Variants in MRC2 observed in about 807,000 individuals in gnomAD.
The protein encoded by MRC2 is C-type mannose receptor 2.
Under a neutral mutation model 206.2 loss-of-function variants are expected in MRC2, and 84 were observed. The observed-to-expected ratio is 0.41, with a 90% confidence interval of 0.34 to 0.49. The LOEUF (loss-of-function observed/expected upper bound fraction) is 0.49, where lower values mean the gene tolerates loss of function less well. MRC2 is among the 20% of genes least tolerant of loss of function. The pLI, the probability that MRC2 is intolerant of heterozygous loss-of-function variation, is 0.31. For synonymous variants in MRC2, 798 were observed against 800.0 expected (o/e 1.00, Z 0.04); for missense variants, 1,676 against 2,001.5 (o/e 0.84, Z 3.10).
In MRC2 at chr17:62,690,991, C is replaced by A. The variant is rs776644424; in HGVS notation, c.4055C>A (p.Ser1352Tyr). 5 of 1,609,178 alleles carry A rather than the reference C, an allele frequency of 3.1e-6. No individual in the cohort carries two copies. The highest frequency in any genetic ancestry group is 3.4e-5 in the Admixed American group (2 of 59,156). The change falls in exon 28 of 30, where the codon TCC (serine) becomes TAC (tyrosine). Residue 1352 changes from serine to tyrosine, a missense_variant. Ser to Tyr is a moderately radical substitution (Grantham distance 144). This residue lies in a region of MRC2 where 1,354 missense variants were observed against 1,636.6 expected (regional missense o/e 0.83). Coordinates refer to ENST00000303375, the MANE Select transcript of MRC2 (RefSeq NM_006039.5). ...CAGGACAACACAGCTGTGAACTACT[C>A]CAACTGGGGGCCCCCGGGCTTGGGC... is the stretch of plus-strand genomic sequence containing the variant. ...VWQDNTAVNY[S>Y]NWGPPGLGPS...
Position 62,667,277 on chromosome 17 carries a change from C to A in MRC2, c.974-113C>A, listed in dbSNP as rs2088769652. Reference sequence around the variant, plus strand: ...GGAGCTGAGCACCAGGCTTCCCGAACTGGCTCAGGCTTCCGAGGGAGCAGA... The same window carrying A: ...GGAGCTGAGCACCAGGCTTCCCGAAATGGCTCAGGCTTCCGAGGGAGCAGA... On this transcript the variant is annotated intron_variant, in intron 5 of 29. Coordinates refer to ENST00000303375, the MANE Select transcript of MRC2 (RefSeq NM_006039.5). This position sits in a 1 kb window ranked among gnomAD's most constrained non-coding sequence, Gnocchi z 4.1. 2.9e-6 allele frequency: 4 copies of A among 1,383,018 alleles called. No homozygotes were observed. Among genetic ancestry groups the A allele is most frequent in the Middle Eastern group, 3.8e-4 (2 of 5,294 alleles). The allele number at this position is 1,383,018 out of a possible 1,614,324, so 85.7% of individuals were successfully genotyped here.
chr17:62,645,410 A>G (rs1196728895), intron 1 of MRC2, among the ~76,000 whole-genome samples: 30 of 149,156 alleles, frequency 2.0e-4, no homozygotes, highest in Non-Finnish European at 4.4e-5. Context: ...CATCTCAAAA[A>G]TATATATATA....
intron 20 of MRC2, among the ~76,000 whole-genome samples, chr17:62,683,626 G>A (rs941422720): frequency 6.6e-6 from 1 of 150,882 alleles, no homozygotes; most frequent in Non-Finnish European, 1.5e-5. Context: ...CACTTTGGGA[G>A]GCTGAGGCAG....
chr17:62,680,056 GC>G lies in MRC2; in HGVS notation c.2299-109del. On this transcript the variant is annotated intron_variant, in intron 14 of 29. Coordinates refer to ENST00000303375, the MANE Select transcript of MRC2 (RefSeq NM_006039.5). The surrounding 1 kb of genome is among the most constrained non-coding windows in gnomAD (Gnocchi z 4.8). ...AAGCAGGTCCGAGAGGGGTCACCCG[GC>G]CCCCGGTGAGAATTCGCAGCTCAGG... The G allele has an allele frequency of 6.5e-7, 1 of 1,542,754 alleles. No individual in the cohort carries two copies. The highest frequency in any genetic ancestry group is 8.8e-7 in the Non-Finnish European group (1 of 1,133,574).
At chr17:62,669,296 CCTCTGCCTCCTA>C (rs1460117143) in intron 6 of MRC2, among the ~76,000 whole-genome samples, 16 of 152,112 alleles carry the variant, frequency 1.1e-4, no homozygotes, top group Admixed American at 2.0e-4. Flanking sequence ...CTCACCACAA[CCTCTGCCTCCTA>C]GGCTCAAGAG....
intron 20 of MRC2, among the ~76,000 whole-genome samples, chr17:62,684,623 A>G (rs1469021179): frequency 6.6e-6 from 1 of 152,230 alleles, no homozygotes; most frequent in Non-Finnish European, 1.5e-5. Flanking sequence ...CAACGAGTTC[A>G]TACCAGGAAG....
In MRC2 at chr17:62,689,754, C is replaced by T. The variant is rs777160267; in HGVS notation, c.3567C>T (p.Gly1189=). The change falls in exon 24 of 30, where the codon GGC becomes GGT. Residue 1189 remains glycine, a synonymous_variant. Transcript: ENST00000303375. The part of the protein sequence containing the change: ...LRTPLWIGLA[G]EEGSRRYSWV... ...CGCCGCTCTGGATTGGGCTGGCTGG[C>T]GAGGAGGTGGGCTCCCGACACTTTT... 6 of 1,542,882 alleles carry T rather than the reference C, an allele frequency of 3.9e-6. No homozygotes were observed. Among genetic ancestry groups the T allele is most frequent in the South Asian group, 3.6e-5 (3 of 83,012 alleles).
rs552896047 is a variant in MRC2, at chr17:62,664,964, G to T, written c.520+15G>T. 1 of 1,584,148 alleles carries T rather than the reference G, an allele frequency of 6.3e-7. No individual in the cohort carries two copies. Among genetic ancestry groups the T allele is most frequent in the South Asian group, 1.1e-5 (1 of 87,850 alleles). ...GCCCTACCACGGTGAGGGGCCGCTT[G>T]CAGGCGGGAGGGTGGGGTCCCCGAT... On this transcript the variant is annotated intron_variant, in intron 2 of 29. Transcript: ENST00000303375. This position sits in a 1 kb window ranked among gnomAD's most constrained non-coding sequence, Gnocchi z 4.7.
At position 62,677,460 on chromosome 17, in the gene MRC2, G is replaced by A; in HGVS notation, c.2026G>A (p.Asp676Asn). The change falls in exon 12 of 30, where the codon GAC becomes AAC. Residue 676 changes from aspartate (D) to asparagine (N), a missense_variant. Asp to Asn is a conservative substitution (Grantham distance 23, BLOSUM62 1). Around this residue, in one of 3 missense-constraint regions of MRC2, gnomAD observed 1,354 missense variants for 1,636.6 expected, o/e 0.83. Transcript: ENST00000303375. ...CTCCTGTCCCCAGGGCTGGGCCTCG[G>A]ACACCAAACTCCGGTATTGCTATAA... The part of the protein sequence containing the change: ...TGSCPQGWAS[D>N]TKLRYCYKVF... 6.2e-7 allele frequency: 1 copy of A among 1,607,200 alleles called. No homozygotes were observed. The highest frequency in any genetic ancestry group is 8.5e-7 in the Non-Finnish European group (1 of 1,176,098).
chr17:62,673,619 C>T (rs2088854002), intron 8 of MRC2, among the ~76,000 whole-genome samples: 1 of 149,146 alleles, frequency 6.7e-6, no homozygotes, highest in African/African-American at 2.5e-5. Context: ...AGCGATTCTT[C>T]TGCCTGAGCC....
Position 62,666,433 on chromosome 17 carries a change from G to T in MRC2, c.695-22G>T. 2 of 1,613,682 alleles carry T rather than the reference G, an allele frequency of 1.2e-6. No homozygotes were observed. The highest frequency in any genetic ancestry group is 1.7e-6 in the Non-Finnish European group (2 of 1,179,984). On this transcript the variant is annotated intron_variant, in intron 3 of 29. Transcript: ENST00000303375. The surrounding 1 kb of genome is among the most constrained non-coding windows in gnomAD (Gnocchi z 5.0). ...GAGGGACCCTGGAGGGGGCCTGAAG[G>T]AGAGGGCTGTCGTGGTGGCAGGTAA...
chr17:62,645,521 ATATATATTTTTTTTTT>A (rs1371683017), intron 1 of MRC2, among the ~76,000 whole-genome samples: 20 of 45,558 alleles, frequency 4.4e-4, no homozygotes, highest in African/African-American at 1.6e-3. Flanking sequence ...ATATATATAT[ATATATATTTTTTTTTT>A]TTTTTTTTTT....
At chr17:62,638,873 C>T (rs902144494) in intron 1 of MRC2, among the ~76,000 whole-genome samples, 10 of 151,136 alleles carry the variant, frequency 6.6e-5, no homozygotes, top group Non-Finnish European at 1.5e-4. Flanking sequence ...GAGCTGAGAT[C>T]GTGCCACTGC....
intron 1 of MRC2, among the ~76,000 whole-genome samples, chr17:62,647,009 G>A (rs964551486): frequency 6.6e-6 from 1 of 151,978 alleles, no homozygotes; most frequent in Non-Finnish European, 1.5e-5. Flanking sequence ...CCATCACTCC[G>A]AGATTCTAAT....
At chr17:62,648,782 C>T (rs1202491993) in intron 1 of MRC2, among the ~76,000 whole-genome samples, 1 of 152,210 alleles carries the variant, frequency 6.6e-6, no homozygotes, top group Non-Finnish European at 1.5e-5. Context: ...AGCTTAAACA[C>T]TGGAGTCCTT....
chr17:62,673,063 A>T (rs2088847501), intron 8 of MRC2, among the ~76,000 whole-genome samples: 1 of 152,062 alleles, frequency 6.6e-6, no homozygotes, highest in Non-Finnish European at 1.5e-5. Flanking sequence ...GACAGACAGG[A>T]TGTTCTGCTG....
chr17:62,659,282 G>A (rs937795391), intron 1 of MRC2, among the ~76,000 whole-genome samples: 1 of 152,192 alleles, frequency 6.6e-6, no homozygotes, highest in Non-Finnish European at 1.5e-5. Context: ...GCTCACTCTT[G>A]TAATCCTAGT....
intron 6 of MRC2, among the ~76,000 whole-genome samples, chr17:62,669,144 TAA>T (rs1224323721): frequency 2.0e-5 from 3 of 147,644 alleles, no homozygotes; most frequent in Admixed American, 6.7e-5. Context: ...CTACAGACAG[TAA>T]AGAGTTTACA....
At chr17:62,670,183 C>A (rs1162549235) in intron 6 of MRC2, among the ~76,000 whole-genome samples, 3 of 152,242 alleles carry the variant, frequency 2.0e-5, no homozygotes, top group Non-Finnish European at 4.4e-5. Flanking sequence ...TAGGCAGGTT[C>A]TGCTTTCCCG....
Sources: gnomAD v4.1 joint callset for allele counts (sites outside exome capture counted in the v4.1 genomes callset) on GRCh38, gnomAD v4.1.1 for gene constraint, gnomAD v4.1.1 regional missense constraint, Gnocchi (gnomAD v3.1) non-coding constraint, MANE v1.5 for transcripts, NCBI Gene and HGNC (gene_info 2026-07-23, HGNC 2026-07-21) for gene names.